The following NFKBID variants were observed in gnomAD, a reference collection of about 807,000 sequenced individuals.
NFKBID encodes the protein NFKB inhibitor delta.
NFKBID carries 26 observed loss-of-function variants against 53.4 expected under a neutral mutation model. The observed-to-expected ratio is 0.49, with a 90% CI of 0.36 to 0.68. NFKBID has a LOEUF of 0.68. Ranked by LOEUF, NFKBID falls within the 30% of genes least tolerant of loss-of-function variation. The pLI, the probability that NFKBID is intolerant of heterozygous loss-of-function variation, is 0.00. For synonymous variants in NFKBID, 262 were observed against 259.8 expected, an observed-to-expected ratio of 1.01 and a Z score of -0.08; for missense variants, 493 against 614.1, an observed-to-expected ratio of 0.80 and a Z score of 2.08.
chr19:35,896,194 C>G lies in NFKBID; in HGVS notation c.883+24G>C. On this transcript the variant is annotated intron_variant, in intron 8 of 11. Transcript: ENST00000641389. The surrounding 1 kb of genome is among the most constrained non-coding windows in gnomAD (Gnocchi z 5.7). ...CCTCGCCCAGCCACACCAACCACACCAGCCCTGCCCACACCCAACTTACCC... is the reference window on the plus strand; with the variant it reads ...CCTCGCCCAGCCACACCAACCACACGAGCCCTGCCCACACCCAACTTACCC... The G allele has an allele frequency of 6.2e-7, 1 of 1,614,142 alleles. No homozygotes were observed. The highest frequency in any genetic ancestry group is 8.5e-7 in the Non-Finnish European group (1 of 1,179,996).
At chr19:35,895,418 G>A (rs891574593) in intron 9 of NFKBID, among the ~76,000 whole-genome samples, 3 of 151,938 alleles carry the variant, frequency 2.0e-5, no homozygotes, top group Non-Finnish European at 4.4e-5. Flanking sequence ...AACCTGGGAG[G>A]CAGAGTTTGC....
intron 1 of NFKBID, among the ~76,000 whole-genome samples, chr19:35,899,082 G>A (rs987631141): frequency 6.6e-6 from 1 of 152,168 alleles, no homozygotes; most frequent in Admixed American, 6.5e-5. Flanking sequence ...GAGGAAGGGG[G>A]AGGAGGGCAC....
Position 35,896,919 on chromosome 19 carries a change from C to T in NFKBID, c.572G>A (p.Gly191Glu). The T allele has an allele frequency of 2.5e-6, 4 of 1,607,664 alleles. No homozygotes were observed. Among genetic ancestry groups the T allele is most frequent in the Non-Finnish European group, 3.4e-6 (4 of 1,175,772 alleles). The change falls in exon 5 of 12, where the codon GGG becomes GAG. Residue 191 changes from glycine to glutamate, a missense_variant. Physicochemically the swap from Gly to Glu is moderately conservative, Grantham distance 98 (BLOSUM62 -2). Coordinates refer to ENST00000641389, the Ensembl canonical transcript of NFKBID. This position sits in a 1 kb window ranked among gnomAD's most constrained non-coding sequence, Gnocchi z 5.7. ...CCCTATCCCTTATACTCACGTGTCC[C>T]CCTCCTCATCCTGGGCCAGCAGCTG...
intron 11 of NFKBID, among the ~76,000 whole-genome samples, chr19:35,889,368 TAAAC>T (rs1173504044): frequency 1.3e-5 from 2 of 151,284 alleles, no homozygotes; most frequent in Non-Finnish European, 2.9e-5. Flanking sequence ...AATAAATAAA[TAAAC>T]AAACAAACAA....
At position 35,896,938 on chromosome 19, in the gene NFKBID, G is replaced by A; in HGVS notation, c.553C>T (p.Leu185=). Residue 185 remains leucine, a synonymous_variant, in exon 5 of 12, where the codon CTG becomes TTG. Transcript: ENST00000641389. The surrounding 1 kb of genome is among the most constrained non-coding windows in gnomAD (Gnocchi z 5.7). ...GTGTCCCCCTCCTCATCCTGGGCCA[G>A]CAGCTGCTGTGGCCCCAAAGCCAGC... The A allele has an allele frequency of 6.2e-7, 1 of 1,607,112 alleles. No individual in the cohort carries two copies. Among genetic ancestry groups the A allele is most frequent in the Non-Finnish European group, 8.5e-7 (1 of 1,175,596 alleles).
At chr19:35,897,521 G>A in intron 4 of NFKBID, 130 bp downstream of exon 4, 1 of 695,810 alleles carries the variant, frequency 1.4e-6, no homozygotes, top group South Asian at 1.6e-5. Context: ...TGGGATTACA[G>A]GTGTGAGCCA....
Position 35,896,413 on chromosome 19 carries a change from G to A in NFKBID, c.810C>T (p.Tyr270=), listed in dbSNP as rs777638414. The A allele has an allele frequency of 1.1e-5, 18 of 1,614,074 alleles. No homozygotes were observed. Among genetic ancestry groups the A allele is most frequent in the South Asian group, 8.8e-5 (8 of 91,088 alleles). ...ATACCAAGAGAACTCCTGGGAGCCC[G>A]TAGGTAGCGGCCACGTGCAAGACCG... Residue 270 remains tyrosine, a synonymous_variant, in exon 7 of 12, where the codon TAC becomes TAT. Coordinates refer to ENST00000641389, the Ensembl canonical transcript of NFKBID. This position sits in a 1 kb window ranked among gnomAD's most constrained non-coding sequence, Gnocchi z 5.7.
exon 10 of NFKBID, chr19:35,890,458 C>G (rs1451482562): frequency 6.2e-7 from 1 of 1,613,754 alleles, no homozygotes; most frequent in African/African-American, 1.3e-5. Flanking sequence ...CCTGCACGGC[C>G]AAGTGCAGAA....
Position 35,896,847 on chromosome 19 carries a change from G to C in NFKBID, c.579-16C>G, listed in dbSNP as rs755313136. ...GTGAAGGAGCCTGAGGACAGGTGGGGGACAGCCGTGAGAACAGCCCCCACC... is the reference window on the plus strand; with the variant it reads ...GTGAAGGAGCCTGAGGACAGGTGGGCGACAGCCGTGAGAACAGCCCCCACC... On this transcript the variant is annotated splice_polypyrimidine_tract_variant and intron_variant, in intron 5 of 11. Transcript: ENST00000641389. The surrounding 1 kb of genome is among the most constrained non-coding windows in gnomAD (Gnocchi z 5.7). The C allele has an allele frequency of 1.9e-6, 3 of 1,613,938 alleles. No individual in the cohort carries two copies. Among genetic ancestry groups the C allele is most frequent in the Non-Finnish European group, 2.5e-6 (3 of 1,179,942 alleles).
At chr19:35,890,322 G>A in intron 10 of NFKBID, 52 bp downstream of exon 10, 1 of 1,243,096 alleles carries the variant, frequency 8.0e-7, no homozygotes, top group Non-Finnish European at 1.2e-6. Context: ...ACATCCCACT[G>A]CCCCCCCTAC....
At position 35,896,615 on chromosome 19, in the gene NFKBID, C is replaced by A. The variant is rs78187159; in HGVS notation, c.685-77G>T. The A allele has an allele frequency of 4.0e-3, 6,180 of 1,555,608 alleles. 116 individuals carry two copies. In the East Asian group the frequency reaches 0.041, roughly 10 times the overall value. ...AAACCAGGCTCCCAGCCCCATCCCCCCTCAGCCCCAGGAGCTCACCCCCCA... is the reference window on the plus strand; with the variant it reads ...AAACCAGGCTCCCAGCCCCATCCCCACTCAGCCCCAGGAGCTCACCCCCCA... On this transcript the variant is annotated intron_variant, in intron 6 of 11. Coordinates refer to ENST00000641389, the Ensembl canonical transcript of NFKBID. This position sits in a 1 kb window ranked among gnomAD's most constrained non-coding sequence, Gnocchi z 5.7.
In NFKBID at chr19:35,895,967, C is replaced by T; in HGVS notation, c.1032+13G>A. ...CAATCTCCCAGGGTCTGACCGCCCACATCCCCGCTCACCTGGCTGGTGTGA... is the reference window on the plus strand; with the variant it reads ...CAATCTCCCAGGGTCTGACCGCCCATATCCCCGCTCACCTGGCTGGTGTGA... On this transcript the variant is annotated intron_variant, in intron 9 of 11. Transcript: ENST00000641389. 6.2e-7 allele frequency: 1 copy of T among 1,609,282 alleles called. No homozygotes were observed. The highest frequency in any genetic ancestry group is 8.5e-7 in the Non-Finnish European group (1 of 1,176,636).
chr19:35,902,120 A>G, upstream of NFKBID: 10 of 701,974 alleles, frequency 1.4e-5, no homozygotes, highest in South Asian at 1.5e-4. Context: ...GCATCTCCAC[A>G]GGGAGATTGT....
chr19:35,900,744 G>A (rs1010102924), upstream of NFKBID: 2 of 800,718 alleles, frequency 2.5e-6, no homozygotes, highest in Non-Finnish European at 3.4e-6. Context: ...TGCTCTGAAG[G>A]AGCCTAGGGC....
At chr19:35,890,548 C>T (rs772856936) in intron 9 of NFKBID, 58 bp from the exon 10 acceptor site, 7 of 1,176,536 alleles carry the variant, frequency 5.9e-6, no homozygotes, top group Admixed American at 3.4e-5. Flanking sequence ...TGCCCTCCCA[C>T]AGAATCCAGG....
intron 9 of NFKBID, among the ~76,000 whole-genome samples, chr19:35,892,037 T>C (rs915137311): frequency 6.6e-6 from 1 of 151,158 alleles, no homozygotes; most frequent in African/African-American, 2.4e-5. Context: ...GAAAGAGTTC[T>C]TATCTTTTAT....
chr19:35,900,641 C>A, exon 1 of NFKBID: 2 of 1,229,024 alleles, frequency 1.6e-6, no homozygotes, highest in Non-Finnish European at 2.0e-6. Flanking sequence ...CCGGGTCGCG[C>A]TCCGGCGAAC....
chr19:35,896,412 C>T lies in NFKBID; in HGVS notation c.811G>A (p.Gly271Arg). The change falls in exon 7 of 12, where the codon GGG (glycine) becomes AGG (arginine). Residue 271 changes from glycine (G) to arginine (R), a missense_variant. By Grantham distance (125) the Gly-to-Arg change is moderately radical. Coordinates refer to ENST00000641389, the Ensembl canonical transcript of NFKBID. This position sits in a 1 kb window ranked among gnomAD's most constrained non-coding sequence, Gnocchi z 5.7. Reference sequence around the variant, plus strand: ...CATACCAAGAGAACTCCTGGGAGCCCGTAGGTAGCGGCCACGTGCAAGACC... The same window carrying T: ...CATACCAAGAGAACTCCTGGGAGCCTGTAGGTAGCGGCCACGTGCAAGACC... 3 of 1,614,208 alleles carry T rather than the reference C, an allele frequency of 1.9e-6. No homozygotes were observed. The highest frequency in any genetic ancestry group is 1.6e-4 in the Middle Eastern group (1 of 6,062).
At chr19:35,893,882 C>T (rs1974953766) in intron 9 of NFKBID, among the ~76,000 whole-genome samples, 2 of 151,508 alleles carry the variant, frequency 1.3e-5, no homozygotes, top group South Asian at 4.2e-4. Context: ...CCATGAGTGG[C>T]TGGTTATTGA....
Sources: gnomAD v4.1 joint callset for allele counts (sites outside exome capture counted in the v4.1 genomes callset) on GRCh38, gnomAD v4.1.1 for gene constraint, Gnocchi (gnomAD v3.1) non-coding constraint, MANE v1.5 for transcripts, NCBI Gene and HGNC (gene_info 2026-07-23, HGNC 2026-07-21) for gene names.